Variants in ESRRG observed in about 807,000 individuals in gnomAD.
ESRRG encodes the protein estrogen related receptor gamma.
Under a neutral mutation model 44.0 loss-of-function variants are expected in ESRRG, and 13 were observed. The observed-to-expected ratio is 0.30, with a 90% confidence interval of 0.19 to 0.47. The LOEUF (loss-of-function observed/expected upper bound fraction) is 0.47, where lower values mean the gene tolerates loss of function less well. ESRRG is among the 20% of genes least tolerant of loss of function. The pLI is 1.00. For synonymous variants in ESRRG, 215 were observed against 214.6 expected, an observed-to-expected ratio of 1.00 and a Z score of -0.02; for missense variants, 395 against 580.6, an observed-to-expected ratio of 0.68 and a Z score of 3.29.
chr1:216,674,072 T>C (rs2075667343), intron 2 of ESRRG, among the ~76,000 whole-genome samples: 1 of 152,254 alleles, frequency 6.6e-6, no homozygotes, highest in African/African-American at 2.4e-5. Flanking sequence ...CAGAGCTGTG[T>C]AAACTGAGTT....
In ESRRG at chr1:216,611,919, G is replaced by T. The variant is rs146066799; in HGVS notation, c.589+39054C>A. Among the ~76,000 whole-genome samples the T allele has an allele frequency of 1.4e-3, 206 of 152,310 alleles. 1 individual carries two copies. The highest frequency in any genetic ancestry group is 4.7e-3 in the African/African-American group (195 of 41,572). On this transcript the variant is annotated intron_variant, in intron 3 of 6. Transcript: ENST00000408911. ...GAGAGAATGAAGAAGCAGAAATATG[G>T]AGGCATGAAAAGCATGCTATGAGCA...
chr1:216,978,250 G>A (rs958743551), intron 1 of ESRRG, among the ~76,000 whole-genome samples: 5 of 152,024 alleles, frequency 3.3e-5, no homozygotes, highest in Non-Finnish European at 7.4e-5. Context: ...AGTTTTATTG[G>A]GACACAGCCA....
chr1:216,769,069 C>T (rs1272547260), intron 2 of ESRRG, among the ~76,000 whole-genome samples: 1 of 130,514 alleles, frequency 7.7e-6, no homozygotes, highest in South Asian at 2.4e-4. Context: ...GAAAAGGAGG[C>T]CAAAAAAAAA....
intron 2 of ESRRG, among the ~76,000 whole-genome samples, chr1:216,867,910 A>C (rs1265735321): frequency 6.6e-6 from 1 of 152,024 alleles, no homozygotes; most frequent in African/African-American, 2.4e-5. Flanking sequence ...ATCCCTTTAT[A>C]GGCCAATTGC....
intron 1 of ESRRG, among the ~76,000 whole-genome samples, chr1:217,007,368 T>C (rs1269381612): frequency 7.0e-6 from 1 of 141,846 alleles, no homozygotes; most frequent in African/African-American, 2.9e-5. Flanking sequence ...TCAACAATTT[T>C]AGTCTCTTCT....
chr1:216,602,472 A>C lies in ESRRG; in HGVS notation c.590-34374T>G, dbSNP rs191888658. 3.9e-3 allele frequency among the ~76,000 whole-genome samples: 588 copies of C among 152,328 alleles called. 11 individuals carry two copies. The highest frequency in any genetic ancestry group is 2.6e-3 in the Non-Finnish European group (175 of 68,032). On this transcript the variant is annotated intron_variant, in intron 3 of 6. Coordinates refer to ENST00000408911, the MANE Select transcript of ESRRG (RefSeq NM_001438.4). Reference sequence around the variant, plus strand: ...AGACTGAGATAAGAAAATCAGAACTAGGGCCAACTGTAACAGGTGCTAATA... The same window carrying C: ...AGACTGAGATAAGAAAATCAGAACTCGGGCCAACTGTAACAGGTGCTAATA...
intron 4 of ESRRG, among the ~76,000 whole-genome samples, chr1:216,564,977 C>G (rs2059427142): frequency 6.6e-6 from 1 of 152,142 alleles, no homozygotes; most frequent in Non-Finnish European, 1.5e-5. Flanking sequence ...TCCCCCTCCC[C>G]ACACACCCAG....
chr1:216,941,511 C>G (rs930096567), intron 1 of ESRRG, among the ~76,000 whole-genome samples: 4 of 152,128 alleles, frequency 2.6e-5, no homozygotes, highest in African/African-American at 7.2e-5. Flanking sequence ...GGAACCAGTT[C>G]TCCTTTTGAT....
chr1:217,082,769 C>T (rs1375875222), intron 1 of ESRRG, among the ~76,000 whole-genome samples: 1 of 152,000 alleles, frequency 6.6e-6, no homozygotes, highest in Non-Finnish European at 1.5e-5. Context: ...TTTTCTATCT[C>T]CATTTTTCCT....
At chr1:216,880,391 A>C (rs1307700340) in intron 2 of ESRRG, among the ~76,000 whole-genome samples, 2 of 150,546 alleles carry the variant, frequency 1.3e-5, no homozygotes, top group Non-Finnish European at 3.0e-5. Flanking sequence ...GATAACATTA[A>C]TGCTAAAAAC....
intron 6 of ESRRG, among the ~76,000 whole-genome samples, chr1:216,517,679 G>A (rs1479453309): frequency 1.3e-5 from 2 of 152,112 alleles, no homozygotes; most frequent in African/African-American, 4.8e-5. Context: ...ATAATGTGAA[G>A]TCCATACAAA....
At chr1:217,130,067 A>C (rs1238808665) in intron 1 of ESRRG, among the ~76,000 whole-genome samples, 5 of 152,200 alleles carry the variant, frequency 3.3e-5, no homozygotes, top group Non-Finnish European at 7.3e-5. Flanking sequence ...ATTTCACACA[A>C]TATATCACCC....
chr1:216,870,253 C>CTT (rs35814014), intron 2 of ESRRG, among the ~76,000 whole-genome samples: 15 of 133,346 alleles, frequency 1.1e-4, no homozygotes, highest in Non-Finnish European at 2.0e-4. Context: ...TGTCAATGTG[C>CTT]TTTTTTTTTT....
At chr1:216,748,622 T>A (rs913957943) in intron 2 of ESRRG, among the ~76,000 whole-genome samples, 1 of 152,174 alleles carries the variant, frequency 6.6e-6, no homozygotes, top group Non-Finnish European at 1.5e-5. Flanking sequence ...CACAAGTAAG[T>A]TCATGAACAT....
intron 1 of ESRRG, among the ~76,000 whole-genome samples, chr1:217,110,468 T>C (rs1454970915): frequency 6.6e-6 from 1 of 152,182 alleles, no homozygotes; most frequent in Non-Finnish European, 1.5e-5. Context: ...TACCTGAGAC[T>C]GGATAGTTTA....
chr1:217,084,133 T>TAA (rs34135419), intron 1 of ESRRG, among the ~76,000 whole-genome samples: 134 of 140,994 alleles, frequency 9.5e-4, no homozygotes, highest in South Asian at 6.1e-3. Context: ...AAGAATGGAT[T>TAA]AAAAAAAAAA....
At chr1:216,843,721 G>C (rs2095690687) in intron 2 of ESRRG, among the ~76,000 whole-genome samples, 1 of 152,094 alleles carries the variant, frequency 6.6e-6, no homozygotes, top group Non-Finnish European at 1.5e-5. Context: ...GTTAGTCCTG[G>C]CTTGAGATTG....
At chr1:216,624,846 CAG>C (rs1045659194) in intron 3 of ESRRG, among the ~76,000 whole-genome samples, 14 of 152,152 alleles carry the variant, frequency 9.2e-5, no homozygotes, top group Admixed American at 5.2e-4. Context: ...TTATAAGAAA[CAG>C]AGAAAGTACT....
intron 2 of ESRRG, among the ~76,000 whole-genome samples, chr1:216,900,893 G>A (rs2058990244): frequency 6.6e-6 from 1 of 152,144 alleles, no homozygotes; most frequent in South Asian, 2.1e-4. Context: ...AATAGCAGAA[G>A]TTAGAAGTGC....
Sources: allele counts gnomAD v4.1 joint callset (sites outside exome capture counted in the v4.1 genomes callset), GRCh38; gene constraint gnomAD v4.1.1; transcripts MANE v1.5; gene names NCBI Gene and HGNC (gene_info 2026-07-23, HGNC 2026-07-21).